HOXA3: variants seen among roughly 807,000 people sequenced by gnomAD.
The protein encoded by HOXA3 is homeobox A3.
HOXA3 carries 8 observed loss-of-function variants against 30.3 expected under a neutral mutation model. That is an observed-to-expected ratio of 0.26 (90% CI 0.15 to 0.48). HOXA3 has a LOEUF of 0.48. Among genes scored for constraint, HOXA3 ranks in the 20% least tolerant of loss-of-function variants. HOXA3 has a pLI of 0.99. For synonymous variants in HOXA3, 323 were observed against 273.1 expected, an observed-to-expected ratio of 1.18 and a Z score of -1.80; for missense variants, 653 against 614.4, an observed-to-expected ratio of 1.06 and a Z score of -0.66.
chr7:27,128,443 T>C (rs1785375756), intron 2 of HOXA3: 1 of 152,272 alleles, frequency 6.6e-6, no homozygotes, highest in Non-Finnish European at 1.5e-5. Context: ...GGTTTTTACA[T>C]GCAAGGTCAA....
intron 2 of HOXA3, chr7:27,130,013 C>A: frequency 2.3e-6 from 3 of 1,323,070 alleles, no homozygotes; most frequent in South Asian, 1.3e-5. Context: ...TGGGGGCTCC[C>A]CTCCCGAGGC....
In HOXA3 at chr7:27,148,169, T is replaced by C. The variant is rs372930862; in HGVS notation, c.-494+4119A>G. On this transcript the variant is annotated intron_variant, in intron 1 of 5. Coordinates refer to ENST00000612286, the MANE Select transcript of HOXA3 (RefSeq NM_153631.3). ...CTCCTCCCCTTTTTGCTTTATTGAA[T>C]TTTGCGGGTTCCCCGCCCCTCCTCC... Among the ~76,000 whole-genome samples, 3 of 152,270 alleles carry C rather than the reference T, an allele frequency of 2.0e-5. No individual in the cohort carries two copies. The East Asian group carries it at 5.8e-4, about 29-fold the overall frequency.
In HOXA3 at chr7:27,110,665, C is replaced by T; in HGVS notation, c.-25G>A. The T allele has an allele frequency of 6.3e-7, 1 of 1,595,778 alleles. No individual in the cohort carries two copies. The highest frequency in any genetic ancestry group is 1.1e-5 in the South Asian group (1 of 90,800). On this transcript the variant is annotated 5_prime_UTR_variant, in exon 5 of 6. Transcript: ENST00000612286. ...TCGCGTTGTTTCACGATCTTGATCG[C>T]ACACTCTGACAGGGGTTTGACACCC...
intron 4 of HOXA3, chr7:27,116,571 C>T (rs547887600): frequency 4.6e-5 from 7 of 152,334 alleles, no homozygotes; most frequent in Admixed American, 2.6e-4. Flanking sequence ...TGGCTTCTCA[C>T]TGTGCATGCT....
intron 4 of HOXA3, among the ~76,000 whole-genome samples, chr7:27,118,196 G>C (rs918491441): frequency 7.9e-5 from 12 of 152,180 alleles, no homozygotes; most frequent in African/African-American, 2.9e-4. Flanking sequence ...CCATCGGCTA[G>C]CTCGCCCAGA....
chr7:27,137,747 C>G (rs1308108673), intron 2 of HOXA3, among the ~76,000 whole-genome samples: 1 of 152,158 alleles, frequency 6.6e-6, no homozygotes, highest in Non-Finnish European at 1.5e-5. Context: ...AAGATTAAAA[C>G]AGACAGAAAT....
chr7:27,110,103 G>A lies in HOXA3; in HGVS notation c.526+12C>T, dbSNP rs762081065. ...AGGCCAGAGGACCCTCTTCCAGAAG[G>A]CACTCCTTTACCTGAGCTGGAGCTG... is the stretch of plus-strand genomic sequence containing the variant. On this transcript the variant is annotated intron_variant, in intron 5 of 5. Transcript: ENST00000612286. The A allele has an allele frequency of 6.2e-6, 10 of 1,614,136 alleles. No individual in the cohort carries two copies. In the Admixed American group the frequency reaches 1.7e-4, roughly 27 times the overall value.
At chr7:27,145,564 G>A in intron 1 of HOXA3, 1 of 1,494,360 alleles carries the variant, frequency 6.7e-7, no homozygotes, top group Non-Finnish European at 9.0e-7. Flanking sequence ...GCCCCCAGAT[G>A]GGAGCAGGCG....
intron 2 of HOXA3, among the ~76,000 whole-genome samples, chr7:27,136,219 G>A (rs185627652): frequency 1.3e-5 from 2 of 152,320 alleles, no homozygotes; most frequent in East Asian, 1.9e-4. Flanking sequence ...CAGGGGGAAG[G>A]GGCCCCCCAG....
chr7:27,108,326 C>T lies in HOXA3; in HGVS notation c.921G>A (p.Leu307=). The change falls in exon 6 of 6, where the codon CTG becomes CTA. Residue 307 remains leucine, a synonymous_variant. Transcript: ENST00000612286. The surrounding 1 kb of genome is among the most constrained non-coding windows in gnomAD (Gnocchi z 5.0). ...GGGACGCAGGGTAGGAGGCGGGGGG[C>T]AGCCCGTAGGTACCCTGGGGGGGCT... is the stretch of plus-strand genomic sequence containing the variant. ...FSKPPQGTYG[L]PPASYPASLP... is the part of the protein sequence containing the mutation. 1.3e-6 allele frequency: 2 copies of T among 1,511,826 alleles called. No homozygotes were observed. The highest frequency in any genetic ancestry group is 8.9e-7 in the Non-Finnish European group (1 of 1,120,144). The allele number at this position is 1,511,826 out of a possible 1,614,324, so 93.7% of individuals were successfully genotyped here.
chr7:27,110,091 C>T (rs749841771), intron 5 of HOXA3, 24 bp downstream of exon 5: 1 of 1,614,120 alleles, frequency 6.2e-7, no homozygotes, highest in Admixed American at 1.7e-5. Flanking sequence ...CCAGAGGACC[C>T]TCTTCCAGAA....
intron 2 of HOXA3, among the ~76,000 whole-genome samples, chr7:27,137,517 C>T (rs886491841): frequency 3.3e-5 from 5 of 152,086 alleles, no homozygotes; most frequent in Admixed American, 3.3e-4. Context: ...AGTTCCTCTG[C>T]AAGAACAACC....
At chr7:27,142,123 T>G in intron 1 of HOXA3, 1 of 1,597,246 alleles carries the variant, frequency 6.3e-7, no homozygotes, top group East Asian at 2.2e-5. Flanking sequence ...CACCAACTCC[T>G]GTCTTCCAAA....
chr7:27,138,261 T>G (rs985024664), intron 2 of HOXA3, among the ~76,000 whole-genome samples: 42 of 152,216 alleles, frequency 2.8e-4, no homozygotes, highest in African/African-American at 9.6e-4. Flanking sequence ...TCATGAGAAG[T>G]AGCACTTGTG....
At chr7:27,141,724 A>G in intron 1 of HOXA3, 2 of 1,375,178 alleles carry the variant, frequency 1.5e-6, no homozygotes, top group East Asian at 2.3e-5. Flanking sequence ...TAGGGCAACG[A>G]GAACAGGGCT....
At position 27,110,315 on chromosome 7, in the gene HOXA3, G is replaced by C; in HGVS notation, c.326C>G (p.Pro109Arg). 2 of 1,546,088 alleles carry C rather than the reference G, an allele frequency of 1.3e-6. No individual in the cohort carries two copies. The highest frequency in any genetic ancestry group is 1.7e-6 in the Non-Finnish European group (2 of 1,148,172). ...PPAPQPPQPA[P>R]QPPAPTPAAP... is the part of the protein sequence containing the mutation. ...GGCAGGGGTAGGTGCAGGGGGCTGAGGTGCGGGCTGAGGCGGCTGTGGGGC... is the reference window on the plus strand; with the variant it reads ...GGCAGGGGTAGGTGCAGGGGGCTGACGTGCGGGCTGAGGCGGCTGTGGGGC... The change falls in exon 5 of 6, where the codon CCT becomes CGT. Residue 109 changes from proline (P) to arginine (R), a missense_variant. By Grantham distance (103) the Pro-to-Arg change is moderately radical. Coordinates refer to ENST00000612286, the MANE Select transcript of HOXA3 (RefSeq NM_153631.3).
intron 2 of HOXA3, chr7:27,130,042 T>TC: frequency 1.4e-6 from 2 of 1,479,414 alleles, no homozygotes; most frequent in Non-Finnish European, 1.8e-6. Flanking sequence ...CCTGAGCCTC[T>TC]CCCTCCTGAC....
intron 1 of HOXA3, chr7:27,147,399 G>T (rs777734969): frequency 6.2e-7 from 1 of 1,614,192 alleles, no homozygotes; most frequent in South Asian, 1.1e-5. Flanking sequence ...TGCCCTGCCC[G>T]CTGCTGCTGT....
chr7:27,117,648 C>T (rs1022970470), intron 4 of HOXA3, among the ~76,000 whole-genome samples: 2 of 152,174 alleles, frequency 1.3e-5, no homozygotes, highest in African/African-American at 4.8e-5. Flanking sequence ...ACATTTCCCT[C>T]ATCGATTTCC....
Sources: gnomAD v4.1 joint callset for allele counts (sites outside exome capture counted in the v4.1 genomes callset) on GRCh38, gnomAD v4.1.1 for gene constraint, Gnocchi (gnomAD v3.1) non-coding constraint, MANE v1.5 for transcripts, NCBI Gene and HGNC (gene_info 2026-07-23, HGNC 2026-07-21) for gene names.